The following SDCCAG8 variants were observed in gnomAD, a reference collection of about 807,000 sequenced individuals.
SDCCAG8 encodes the protein SHH signaling and ciliogenesis regulator SDCCAG8.
SDCCAG8 carries 74 observed loss-of-function variants against 101.8 expected under a neutral mutation model. That is an observed-to-expected ratio of 0.73 (90% CI 0.60 to 0.88). The LOEUF (loss-of-function observed/expected upper bound fraction) is 0.88. Ranked by LOEUF, SDCCAG8 falls within the 40% of genes least tolerant of loss-of-function variation. The probability of loss-of-function intolerance (pLI) is 0.00; values close to 1 mark genes in which losing one functional copy is unlikely to be tolerated. For missense variants in SDCCAG8, 787 were observed against 822.6 expected (o/e 0.96, Z 0.53); for synonymous variants, 281 against 292.9 (o/e 0.96, Z 0.41).
chr1:243,273,879 C>T (rs1436943575), intron 3 of SDCCAG8, among the ~76,000 whole-genome samples: 2 of 152,108 alleles, frequency 1.3e-5, no homozygotes, highest in African/African-American at 2.4e-5. Context: ...ACTATATGTG[C>T]TTTTTATAAC....
At chr1:243,291,318 C>G (rs1558243061) in intron 5 of SDCCAG8, among the ~76,000 whole-genome samples, 1 of 152,202 alleles carries the variant, frequency 6.6e-6, no homozygotes, top group Non-Finnish European at 1.5e-5. Context: ...ACAATGGGTA[C>G]ACTAAATTCA....
intron 5 of SDCCAG8, among the ~76,000 whole-genome samples, chr1:243,289,973 T>C (rs1478538447): frequency 6.6e-6 from 1 of 152,130 alleles, no homozygotes; most frequent in Non-Finnish European, 1.5e-5. Context: ...CCATTCAAAG[T>C]ATATTTCATT....
chr1:243,264,683 C>G (rs913387146), intron 1 of SDCCAG8, among the ~76,000 whole-genome samples: 7 of 152,124 alleles, frequency 4.6e-5, no homozygotes, highest in African/African-American at 1.7e-4. Context: ...AGCTCAGGTA[C>G]CTTTTAAGTG....
chr1:243,453,696 C>G (rs1204086856), intron 16 of SDCCAG8, among the ~76,000 whole-genome samples: 1 of 152,156 alleles, frequency 6.6e-6, no homozygotes, highest in Non-Finnish European at 1.5e-5. Context: ...TAAATAGATT[C>G]TCTCAACTCC....
chr1:243,433,356 G>GAAAAA (rs914707825), intron 16 of SDCCAG8, among the ~76,000 whole-genome samples: 4 of 64,962 alleles, frequency 6.2e-5, no homozygotes, highest in Admixed American at 3.6e-4. Flanking sequence ...CGTCTCAAAA[G>GAAAAA]AAAAAAAAAA....
At chr1:243,399,001 T>C (rs766482379) in intron 13 of SDCCAG8, among the ~76,000 whole-genome samples, 2 of 152,254 alleles carry the variant, frequency 1.3e-5, no homozygotes, top group African/African-American at 2.4e-5. Flanking sequence ...ATGATCCTTT[T>C]CCACAAGTAT....
chr1:243,459,872 G>C (rs1658712774), intron 16 of SDCCAG8, among the ~76,000 whole-genome samples: 1 of 152,140 alleles, frequency 6.6e-6, no homozygotes, highest in African/African-American at 2.4e-5. Context: ...CGAGAAGCTA[G>C]TAAGTTTCTA....
chr1:243,284,943 C>T (rs562880241), intron 4 of SDCCAG8, among the ~76,000 whole-genome samples: 1 of 151,670 alleles, frequency 6.6e-6, no homozygotes, highest in African/African-American at 2.4e-5. Flanking sequence ...AGTGCAGTGG[C>T]GTGATCTTGG....
At chr1:243,400,616 C>T (rs944891922) in intron 13 of SDCCAG8, among the ~76,000 whole-genome samples, 3 of 152,170 alleles carry the variant, frequency 2.0e-5, no homozygotes, top group Non-Finnish European at 2.9e-5. Flanking sequence ...GTTCCAAGTT[C>T]TTCCATATCT....
chr1:243,257,282 G>A (rs2066828236), intron 1 of SDCCAG8, among the ~76,000 whole-genome samples: 1 of 152,020 alleles, frequency 6.6e-6, no homozygotes, highest in Admixed American at 6.6e-5. Flanking sequence ...ATTTTCATAA[G>A]CCTCTAGGTC....
Position 243,392,850 on chromosome 1 carries a change from A to G in SDCCAG8, c.1616+13987A>G, listed in dbSNP as rs1040615086. ...TTATTCCTATCTGTTTTTCATGTACAAAGGCTGAGGGATGCCAGCAAATAA... is the reference window on the plus strand; with the variant it reads ...TTATTCCTATCTGTTTTTCATGTACGAAGGCTGAGGGATGCCAGCAAATAA... On this transcript the variant is annotated intron_variant, in intron 13 of 17. Transcript: ENST00000366541. 3.9e-5 allele frequency among the ~76,000 whole-genome samples: 6 copies of G among 152,228 alleles called. No individual in the cohort carries two copies. The East Asian group carries it at 1.2e-3, about 29-fold the overall frequency.
At chr1:243,415,932 G>A (rs1483237231) in intron 14 of SDCCAG8, 103 bp downstream of exon 14, 23 of 1,355,362 alleles carry the variant, frequency 1.7e-5, no homozygotes, top group East Asian at 1.2e-4. Flanking sequence ...TTGGCTGGCC[G>A]AAGGGAGCAG....
At chr1:243,498,644 A>G (rs747033811) in intron 17 of SDCCAG8, among the ~76,000 whole-genome samples, 1 of 152,234 alleles carries the variant, frequency 6.6e-6, no homozygotes, top group Non-Finnish European at 1.5e-5. Flanking sequence ...CATTTTTCAT[A>G]AAAGGCAACA....
intron 16 of SDCCAG8, among the ~76,000 whole-genome samples, chr1:243,486,456 G>T (rs1388318539): frequency 6.6e-6 from 1 of 152,122 alleles, no homozygotes; most frequent in Non-Finnish European, 1.5e-5. Flanking sequence ...GGTCTGGGTG[G>T]TGTCTCCTTC....
chr1:243,322,703 A>G (rs2073853454), intron 9 of SDCCAG8, among the ~76,000 whole-genome samples: 1 of 152,152 alleles, frequency 6.6e-6, no homozygotes, highest in African/African-American at 2.4e-5. Context: ...AGCACTCTAC[A>G]GTGCCTTTAT....
intron 12 of SDCCAG8, among the ~76,000 whole-genome samples, chr1:243,347,938 G>C (rs1279806543): frequency 6.6e-6 from 1 of 150,922 alleles, no homozygotes; most frequent in Non-Finnish European, 1.5e-5. Context: ...ATATTAAAAA[G>C]AACTAAAATA....
chr1:243,273,300 A>C (rs1412937917), intron 3 of SDCCAG8, among the ~76,000 whole-genome samples: 1 of 152,224 alleles, frequency 6.6e-6, no homozygotes, highest in Non-Finnish European at 1.5e-5. Context: ...CCTCATTTCA[A>C]GCTTTCCTCT....
chr1:243,359,513 A>G lies in SDCCAG8; in HGVS notation c.1473+15182A>G, dbSNP rs575427823. Among the ~76,000 whole-genome samples the G allele has an allele frequency of 1.8e-3, 280 of 152,324 alleles. 3 individuals carry two copies. Among genetic ancestry groups the G allele is most frequent in the Middle Eastern group, 0.01 (3 of 294 alleles). The stretch of plus-strand genomic sequence containing the variant: ...CCAGTCTGGAGGGAACAAGAGTGGG[A>G]AGTGAAGGCCATTCAGGAAAACAGG... On this transcript the variant is annotated intron_variant, in intron 12 of 17. Coordinates refer to ENST00000366541, the MANE Select transcript of SDCCAG8 (RefSeq NM_006642.5).
At chr1:243,370,493 G>T (rs116022741) in intron 12 of SDCCAG8, among the ~76,000 whole-genome samples, 1 of 152,032 alleles carries the variant, frequency 6.6e-6, no homozygotes, top group Non-Finnish European at 1.5e-5. Context: ...TAAACTGACC[G>T]CAGAGTTGTA....
Sources: gnomAD v4.1 joint callset for allele counts (sites outside exome capture counted in the v4.1 genomes callset) on GRCh38, gnomAD v4.1.1 for gene constraint, MANE v1.5 for transcripts, NCBI Gene and HGNC (gene_info 2026-07-23, HGNC 2026-07-21) for gene names.